DPYD: variants seen among roughly 807,000 people sequenced by gnomAD.
DPYD encodes the protein dihydropyrimidine dehydrogenase [NADP(+)].
In DPYD, 109 loss-of-function variants were observed where a neutral mutation model predicts 116.2. The observed-to-expected ratio is 0.94, with a 90% CI of 0.80 to 1.10. The LOEUF (loss-of-function observed/expected upper bound fraction) is 1.10, where lower values mean the gene tolerates loss of function less well. Among genes scored for constraint, DPYD ranks in the 50% least tolerant of loss-of-function variants. DPYD has a pLI of 0.00. For missense variants in DPYD, 1,302 were observed against 1,254.5 expected (o/e 1.04, Z -0.57); for synonymous variants, 440 against 432.0 (o/e 1.02, Z -0.23).
intron 19 of DPYD, among the ~76,000 whole-genome samples, chr1:97,201,848 T>C (rs1659229312): frequency 6.6e-6 from 1 of 152,008 alleles, no homozygotes; most frequent in South Asian, 2.1e-4. Context: ...TGGCAGTGCA[T>C]TGATTTAAAC....
At chr1:97,152,434 TCACATACAC>T (rs1421562780) in intron 20 of DPYD, among the ~76,000 whole-genome samples, 1 of 106,512 alleles carries the variant, frequency 9.4e-6, no homozygotes, top group Non-Finnish European at 2.0e-5. Flanking sequence ...GATGGCTGAA[TCACATACAC>T]ACACACACAC....
At chr1:97,699,298 G>A in intron 6 of DPYD, 53 bp downstream of exon 6, 1 of 1,543,350 alleles carries the variant, frequency 6.5e-7, no homozygotes. Context: ...ATTCATAATT[G>A]TTTTGCTCCA....
At chr1:97,449,928 C>T (rs1017938135) in intron 14 of DPYD, 131 bp downstream of exon 14, 15 of 1,203,826 alleles carry the variant, frequency 1.2e-5, no homozygotes, top group Non-Finnish European at 1.8e-5. Context: ...TTCTATGCAT[C>T]AGCAAAGCAA....
At chr1:97,705,047 T>A (rs767208054) in intron 5 of DPYD, among the ~76,000 whole-genome samples, 12 of 151,980 alleles carry the variant, frequency 7.9e-5, no homozygotes, top group Non-Finnish European at 1.6e-4. Flanking sequence ...AATTATCAGA[T>A]CCATTTCCTA....
intron 19 of DPYD, among the ~76,000 whole-genome samples, chr1:97,203,182 C>G (rs1050735586): frequency 3.3e-5 from 5 of 152,084 alleles, no homozygotes; most frequent in Non-Finnish European, 2.9e-5. Context: ...AATTACTCTG[C>G]AGTAACACAG....
At chr1:97,672,172 G>T (rs1235609472) in intron 8 of DPYD, among the ~76,000 whole-genome samples, 1 of 151,794 alleles carries the variant, frequency 6.6e-6, no homozygotes, top group East Asian at 1.9e-4. Context: ...AAGAACTCCC[G>T]GTCCATTGAT....
rs1669132643 is a variant in DPYD, at chr1:97,333,527, T to TTG, written c.2059-27231_2059-27230insCA. On this transcript the variant is annotated intron_variant, in intron 16 of 22. Transcript: ENST00000370192. The stretch of plus-strand genomic sequence containing the variant: ...TTGCTAAGTCTTAGGATTTTTTTTT[T>TTG]TTTTTTTTTTTGAGATGGAGTCTCA... Among the ~76,000 whole-genome samples the TTG allele has an allele frequency of 3.4e-5, 5 of 145,034 alleles. No individual in the cohort carries two copies. In the South Asian group the frequency reaches 1.1e-3, roughly 33 times the overall value.
chr1:97,198,078 A>C (rs1232448776), intron 19 of DPYD, among the ~76,000 whole-genome samples: 1 of 152,138 alleles, frequency 6.6e-6, no homozygotes, highest in East Asian at 1.9e-4. Context: ...TTTTCTTTTA[A>C]AATTTTGTTG....
chr1:97,223,432 T>C (rs1004760181), intron 19 of DPYD, among the ~76,000 whole-genome samples: 1 of 147,792 alleles, frequency 6.8e-6, no homozygotes, highest in African/African-American at 2.5e-5. Context: ...CACACACACA[T>C]CCATACAATC....
At chr1:97,818,457 A>G (rs910591352) in intron 3 of DPYD, among the ~76,000 whole-genome samples, 7 of 152,026 alleles carry the variant, frequency 4.6e-5, no homozygotes, top group Non-Finnish European at 1.0e-4. Context: ...TTCTAATTCA[A>G]GTTTAAAGTG....
chr1:97,764,645 G>T (rs1251553549), intron 3 of DPYD, among the ~76,000 whole-genome samples: 1 of 151,882 alleles, frequency 6.6e-6, no homozygotes, highest in Non-Finnish European at 1.5e-5. Flanking sequence ...ACACTTTAAA[G>T]AATTTTTAAA....
intron 20 of DPYD, among the ~76,000 whole-genome samples, chr1:97,139,436 A>G (rs1047584027): frequency 6.6e-6 from 1 of 152,194 alleles, no homozygotes; most frequent in East Asian, 1.9e-4. Flanking sequence ...ATTATGAAAA[A>G]CCTAATAACA....
intron 12 of DPYD, among the ~76,000 whole-genome samples, chr1:97,539,121 GT>G (rs1650231341): frequency 6.6e-6 from 1 of 152,012 alleles, no homozygotes; most frequent in African/African-American, 2.4e-5. Flanking sequence ...TTTTGTTGTT[GT>G]TTTTATTGTT....
chr1:97,319,296 G>C (rs1236388320), intron 16 of DPYD, among the ~76,000 whole-genome samples: 2 of 151,110 alleles, frequency 1.3e-5, no homozygotes, highest in East Asian at 2.0e-4. Context: ...TCCAGGAGCT[G>C]GTTTTCTGAA....
intron 13 of DPYD, among the ~76,000 whole-genome samples, chr1:97,469,102 T>A (rs1441740645): frequency 1.3e-5 from 2 of 152,106 alleles, no homozygotes; most frequent in Non-Finnish European, 2.9e-5. Context: ...GCAGGAATTA[T>A]TTCTGCAAAA....
At chr1:97,499,072 G>C (rs1221018963) in intron 13 of DPYD, among the ~76,000 whole-genome samples, 1 of 151,542 alleles carries the variant, frequency 6.6e-6, no homozygotes, top group Admixed American at 6.6e-5. Context: ...AAAGTTGAGT[G>C]GATCAAAATA....
At chr1:97,324,662 T>C (rs1668620529) in intron 16 of DPYD, among the ~76,000 whole-genome samples, 2 of 152,086 alleles carry the variant, frequency 1.3e-5, no homozygotes, top group African/African-American at 2.4e-5. Context: ...CAGCAGAATA[T>C]AAAAATGGCC....
At chr1:97,234,097 T>C (rs1325829804) in intron 19 of DPYD, among the ~76,000 whole-genome samples, 1 of 152,100 alleles carries the variant, frequency 6.6e-6, no homozygotes, top group Non-Finnish European at 1.5e-5. Context: ...ATTAATGGAG[T>C]ATTACCAGAG....
intron 20 of DPYD, among the ~76,000 whole-genome samples, chr1:97,161,142 T>A (rs1557901875): frequency 6.6e-6 from 1 of 152,162 alleles, no homozygotes; most frequent in Non-Finnish European, 1.5e-5. Context: ...AACAGCAGAT[T>A]AGCGATTAAA....
Sources: gnomAD v4.1 joint callset for allele counts (sites outside exome capture counted in the v4.1 genomes callset) on GRCh38, gnomAD v4.1.1 for gene constraint, MANE v1.5 for transcripts, NCBI Gene and HGNC (gene_info 2026-07-23, HGNC 2026-07-21) for gene names.